PAPSS1: variants seen among roughly 807,000 people sequenced by gnomAD.
PAPSS1 encodes bifunctional 3'-phosphoadenosine 5'-phosphosulfate synthase 1.
PAPSS1 carries 50 observed loss-of-function variants against 72.0 expected under a neutral mutation model. That is an observed-to-expected ratio of 0.69 (90% CI 0.55 to 0.88). The LOEUF is 0.88. PAPSS1 is among the 40% of genes least tolerant of loss of function. The probability of loss-of-function intolerance (pLI) is 0.00; values close to 1 mark genes in which losing one functional copy is unlikely to be tolerated. For missense variants in PAPSS1, 657 were observed against 782.2 expected, an observed-to-expected ratio of 0.84 and a Z score of 1.91; for synonymous variants, 261 against 263.6, an observed-to-expected ratio of 0.99 and a Z score of 0.09.
chr4:107,627,988 G>C (rs1460702145), intron 11 of PAPSS1, among the ~76,000 whole-genome samples: 1 of 152,138 alleles, frequency 6.6e-6, no homozygotes, highest in Non-Finnish European at 1.5e-5. Flanking sequence ...AAATGTTCTA[G>C]TTTGTTGCAA....
At position 107,701,004 on chromosome 4, in the gene PAPSS1, CA is replaced by C. The variant is rs200655911; in HGVS notation, c.175+166del. Reference sequence around the variant, plus strand: ...ATTTAACAGCAATCCTATAAAAGAACAAAAAAAAAAATAACAAGAAATATTA... The same window carrying C: ...ATTTAACAGCAATCCTATAAAAGAACAAAAAAAAAATAACAAGAAATATTA... On this transcript the variant is annotated intron_variant, in intron 2 of 11. Coordinates refer to ENST00000265174, the MANE Select transcript of PAPSS1 (RefSeq NM_005443.5). Among the ~76,000 whole-genome samples, 577 of 125,166 alleles carry C rather than the reference CA, an allele frequency of 4.6e-3. 1 individual carries two copies. Among genetic ancestry groups the C allele is most frequent in the African/African-American group, 9.9e-3 (362 of 36,550 alleles). 82.1% of individuals were successfully genotyped at this position (125,166 alleles called of 152,430 possible).
chr4:107,673,941 C>T lies in PAPSS1; in HGVS notation c.669+8074G>A, dbSNP rs148371233. 4.9e-3 allele frequency among the ~76,000 whole-genome samples: 739 copies of T among 152,172 alleles called. 7 individuals are homozygous for T. The highest frequency in any genetic ancestry group is 0.017 in the African/African-American group (719 of 41,504). ...TTCAACTCAGAATTTCATATGCAGC[C>T]AAACTAAGCTTCATAAGTGAAGGAG... On this transcript the variant is annotated intron_variant, in intron 5 of 11. Transcript: ENST00000265174.
chr4:107,673,174 G>A (rs1420586599), intron 5 of PAPSS1, among the ~76,000 whole-genome samples: 5 of 152,196 alleles, frequency 3.3e-5, no homozygotes, highest in East Asian at 1.9e-4. Flanking sequence ...CCAAAGGAAC[G>A]CAGCTCCTCA....
intron 1 of PAPSS1, among the ~76,000 whole-genome samples, chr4:107,715,273 T>A (rs564189025): frequency 6.6e-6 from 1 of 152,364 alleles, no homozygotes; most frequent in African/African-American, 2.4e-5. Context: ...GACCTCACTA[T>A]CATTCGTCTT....
At chr4:107,625,554 G>C (rs1310942804) in intron 11 of PAPSS1, among the ~76,000 whole-genome samples, 3 of 152,138 alleles carry the variant, frequency 2.0e-5, no homozygotes, top group African/African-American at 7.2e-5. Flanking sequence ...ACTGAACTCG[G>C]CTAATAACAG....
chr4:107,634,164 T>C (rs1023115352), intron 10 of PAPSS1, among the ~76,000 whole-genome samples: 5 of 151,880 alleles, frequency 3.3e-5, no homozygotes, highest in South Asian at 2.1e-4. Context: ...ACCACAGAGA[T>C]GCGCCACCAT....
At chr4:107,631,306 C>T (rs1372561080) in intron 11 of PAPSS1, among the ~76,000 whole-genome samples, 1 of 152,206 alleles carries the variant, frequency 6.6e-6, no homozygotes, top group Admixed American at 6.5e-5. Flanking sequence ...CATACATAGA[C>T]TCCCTGGGCT....
intron 4 of PAPSS1, among the ~76,000 whole-genome samples, chr4:107,684,970 A>C (rs980501631): frequency 2.0e-5 from 3 of 152,030 alleles, no homozygotes; most frequent in Non-Finnish European, 4.4e-5. Flanking sequence ...CAGTGGCACA[A>C]TTTCGGCTCA....
rs763786456 is a variant in PAPSS1 at position 107,631,656 on chromosome 4, G to C, written c.1711C>G (p.Arg571Gly). The C allele has an allele frequency of 1.9e-5, 30 of 1,613,200 alleles. No individual in the cohort carries two copies. The highest frequency in any genetic ancestry group is 2.5e-5 in the Non-Finnish European group (29 of 1,179,202). ...RVAAYNKKKK[R>G]MDYYDSEHHE... The stretch of plus-strand genomic sequence containing the variant: ...TGTTCAGAGTCATAGTAGTCCATAC[G>C]CTTCTTTTTCTTGTTGTAAGCTGCA... Residue 571 changes from arginine (R) to glycine (G), a missense_variant, in exon 11 of 12, where the codon CGT (arginine) becomes GGT (glycine). By Grantham distance (125) the Arg-to-Gly change is moderately radical (BLOSUM62 -2). Transcript: ENST00000265174.
chr4:107,710,240 C>G (rs1453527877), intron 1 of PAPSS1, among the ~76,000 whole-genome samples: 2 of 152,070 alleles, frequency 1.3e-5, no homozygotes, highest in Admixed American at 1.3e-4. Context: ...GTCTTCTGTG[C>G]CCTAGTTTCC....
At position 107,655,335 on chromosome 4, in the gene PAPSS1, CATA is replaced by C. The variant is rs373857705; in HGVS notation, c.896-438_896-436del. 2.6e-5 allele frequency among the ~76,000 whole-genome samples: 4 copies of C among 152,262 alleles called. No homozygotes were observed. In the East Asian group the frequency reaches 7.7e-4, roughly 29 times the overall value. Reference sequence around the variant, plus strand: ...TAAATCCTTGTTGATAACAGGATGACATAATAACTACAATTTATGTGGCAAGTT... The same window carrying C: ...TAAATCCTTGTTGATAACAGGATGACATAACTACAATTTATGTGGCAAGTT... On this transcript the variant is annotated intron_variant, in intron 7 of 11. Transcript: ENST00000265174.
chr4:107,691,243 T>C (rs2110341317), intron 3 of PAPSS1, among the ~76,000 whole-genome samples: 1 of 152,146 alleles, frequency 6.6e-6, no homozygotes, highest in African/African-American at 2.4e-5. Context: ...TGTGCTAATA[T>C]AATTTATTCC....
chr4:107,639,869 T>C (rs1180441192), intron 10 of PAPSS1, among the ~76,000 whole-genome samples: 3 of 152,208 alleles, frequency 2.0e-5, no homozygotes, highest in Non-Finnish European at 4.4e-5. Context: ...ATCCATGTCA[T>C]AGTATGTTCT....
chr4:107,683,325 G>T (rs981202222), intron 4 of PAPSS1, among the ~76,000 whole-genome samples: 8 of 150,856 alleles, frequency 5.3e-5, no homozygotes, highest in Admixed American at 4.0e-4. Context: ...TGCGTTACCG[G>T]TATTCCCATT....
At chr4:107,625,042 A>C (rs926039760) in intron 11 of PAPSS1, among the ~76,000 whole-genome samples, 14 of 152,248 alleles carry the variant, frequency 9.2e-5, no homozygotes, top group Non-Finnish European at 2.1e-4. Context: ...GCGAATAAGA[A>C]GTAACTAAAG....
chr4:107,684,430 C>T (rs753570490), intron 4 of PAPSS1, among the ~76,000 whole-genome samples: 2 of 152,142 alleles, frequency 1.3e-5, no homozygotes, highest in Admixed American at 6.5e-5. Flanking sequence ...CCCTGCAAAG[C>T]TGTTCTTTGT....
At chr4:107,669,169 G>T (rs761107970) in intron 5 of PAPSS1, among the ~76,000 whole-genome samples, 1 of 152,178 alleles carries the variant, frequency 6.6e-6, no homozygotes, top group Non-Finnish European at 1.5e-5. Flanking sequence ...GAGGGAGTTT[G>T]ATATGAAAAG....
At chr4:107,618,621 G>A (rs1725883903) in intron 11 of PAPSS1, among the ~76,000 whole-genome samples, 1 of 151,986 alleles carries the variant, frequency 6.6e-6, no homozygotes, top group Non-Finnish European at 1.5e-5. Context: ...AAATGATTTG[G>A]TGTTAGAAAA....
intron 10 of PAPSS1, among the ~76,000 whole-genome samples, chr4:107,634,898 C>T (rs930126719): frequency 2.7e-5 from 4 of 146,484 alleles, no homozygotes; most frequent in Non-Finnish European, 4.5e-5. Flanking sequence ...CCTGGGTTCA[C>T]ACCATTCTCC....
Sources: allele counts gnomAD v4.1 joint callset (sites outside exome capture counted in the v4.1 genomes callset), GRCh38; gene constraint gnomAD v4.1.1; transcripts MANE v1.5; gene names NCBI Gene and HGNC (gene_info 2026-07-23, HGNC 2026-07-21).